Variants in DHRS12 observed in about 807,000 individuals in gnomAD.
The protein encoded by DHRS12 is dehydrogenase/reductase SDR family member 12.
Under a neutral mutation model 32.1 loss-of-function variants are expected in DHRS12, and 29 were observed. The ratio of observed to expected loss-of-function variants is 0.90; its 90% CI spans 0.67 to 1.23. DHRS12 has a LOEUF of 1.23. Among genes scored for constraint, DHRS12 ranks in the 50% most tolerant of loss-of-function variants. The pLI is 0.00. For missense variants in DHRS12, 330 were observed against 337.2 expected (o/e 0.98, Z 0.17); for synonymous variants, 150 against 135.9 (o/e 1.10, Z -0.72).
intron 8 of DHRS12, 171 bp from the exon 9 acceptor site, chr13:51,768,467 T>TTGA (rs1953852988): frequency 6.9e-7 from 1 of 1,439,246 alleles, no homozygotes; most frequent in African/African-American, 1.4e-5. Context: ...GCAGCATGGA[T>TTGA]TGATATGTAA....
At position 51,771,878 on chromosome 13, in the gene DHRS12, G is replaced by A; in HGVS notation, c.502C>T (p.Gln168Ter). 6.2e-7 allele frequency: 1 copy of A among 1,614,122 alleles called. No homozygotes were observed. Among genetic ancestry groups the A allele is most frequent in the Non-Finnish European group, 8.5e-7 (1 of 1,180,006 alleles). ...QQVVLTERWA[Q>*]GHPAIHFSSM... ...GAAAAATGGATGGCCGGGTGCCCTT[G>A]GGCCCACCGCTCCGTCAGAACCACT... Residue 168 changes from glutamine to a stop codon, truncating the protein, a stop_gained, in exon 7 of 9, where the codon CAA (glutamine) becomes TAA (stop). Coordinates refer to ENST00000444610, the MANE Select transcript of DHRS12 (RefSeq NM_001377533.1). LOFTEE classifies it high-confidence loss of function.
intron 7 of DHRS12, 135 bp from the exon 8 acceptor site, chr13:51,769,428 C>T: frequency 1.3e-6 from 1 of 753,420 alleles, no homozygotes; most frequent in Non-Finnish European, 2.0e-6. Flanking sequence ...TTATAGCACT[C>T]ACCCAAGCCA....
chr13:51,769,362 T>TA (rs1213785153), intron 7 of DHRS12, 69 bp from the exon 8 acceptor site: 113 of 1,221,250 alleles, frequency 9.3e-5, no homozygotes, highest in African/African-American at 6.2e-4. Context: ...TTCCCTTAAT[T>TA]TAAAAAAAAA....
intron 4 of DHRS12, 126 bp from the exon 5 acceptor site, chr13:51,777,247 G>A: frequency 1.1e-6 from 1 of 946,296 alleles, no homozygotes; most frequent in Non-Finnish European, 1.7e-6. Flanking sequence ...GGCCACCTGA[G>A]GGGCAGTCCC....
intron 2 of DHRS12, among the ~76,000 whole-genome samples, chr13:51,792,130 G>A (rs1369143610): frequency 6.6e-6 from 1 of 152,182 alleles, no homozygotes; most frequent in Non-Finnish European, 1.5e-5. Flanking sequence ...TGCAATTGCT[G>A]GGTCAGATGG....
the DHRS12 span, chr13:51,755,536 C>A: frequency 3.1e-5 from 44 of 1,421,832 alleles, 1 homozygote; most frequent in African/African-American, 5.1e-4. Context: ...AGAAATAACA[C>A]CCCTGGGTGG....
chr13:51,798,243 G>A (rs1322095984), intron 2 of DHRS12, among the ~76,000 whole-genome samples: 1 of 152,174 alleles, frequency 6.6e-6, no homozygotes, highest in Non-Finnish European at 1.5e-5. Flanking sequence ...CTGCACTTTA[G>A]ACTCATGTAG....
chr13:51,768,793 T>C (rs1317491683), intron 8 of DHRS12: 8 of 1,220,986 alleles, frequency 6.6e-6, no homozygotes, highest in Non-Finnish European at 8.2e-6. Flanking sequence ...CTTACACCCT[T>C]TGCACTGCAG....
chr13:51,787,793 T>TCAA (rs1566296180), intron 4 of DHRS12, among the ~76,000 whole-genome samples: 8 of 12,490 alleles, frequency 6.4e-4, no homozygotes, highest in Admixed American at 1.7e-3. Flanking sequence ...TTATAATATA[T>TCAA]TAATATATAT....
chr13:51,803,750 C>G lies in DHRS12; in HGVS notation c.-9+304G>C, dbSNP rs561909550. The G allele has an allele frequency of 7.1e-5, 19 of 267,092 alleles. No homozygotes were observed. In the South Asian group the frequency reaches 1.8e-3, roughly 26 times the overall value. The allele number at this position is 267,092 out of a possible 1,614,324, so 16.5% of individuals were successfully genotyped here. On this transcript the variant is annotated intron_variant, in intron 1 of 8. Transcript: ENST00000444610. Reference sequence around the variant, plus strand: ...CCCAGCGGGGCGCCGAGGTGCCGCCCAAGAGGCTCCTTGGCGCCGGGGCCG... The same window carrying G: ...CCCAGCGGGGCGCCGAGGTGCCGCCGAAGAGGCTCCTTGGCGCCGGGGCCG...
At chr13:51,756,433 C>T in the DHRS12 span, 2 of 1,614,150 alleles carry the variant, frequency 1.2e-6, no homozygotes, top group East Asian at 2.2e-5. Flanking sequence ...GGGTCTGTGA[C>T]AGCTGCCACG....
In DHRS12 at chr13:51,771,126, G is replaced by A. The variant is rs551436722; in HGVS notation, c.559+695C>T. On this transcript the variant is annotated intron_variant, in intron 7 of 8. Transcript: ENST00000444610. ...TAAATGGGTGTGATAATAGACAGTA[G>A]TGGCCACTCCACAGAGGCTTGAGGA... 5 of 1,500,882 alleles carry A rather than the reference G, an allele frequency of 3.3e-6. No homozygotes were observed. In the African/African-American group the frequency reaches 4.2e-5, roughly 12 times the overall value. 93.0% of individuals were successfully genotyped at this position (1,500,882 alleles called of 1,614,324 possible). A position where few individuals can be genotyped will look rare whatever the true frequency, so the allele number is the denominator to read the frequency against.
At chr13:51,755,434 A>G in the DHRS12 span, 2 of 1,614,218 alleles carry the variant, frequency 1.2e-6, no homozygotes, top group South Asian at 2.2e-5. Context: ...CAAATGTGGG[A>G]CAGTAAGAAA....
chr13:51,804,034 G>C lies in DHRS12; in HGVS notation c.-9+20C>G. Reference sequence around the variant, plus strand: ...GCCACGTGACAGCCCGGGGCCCCGCGCCCCGCCGCGCCGCCTTACTTGGTG... The same window carrying C: ...GCCACGTGACAGCCCGGGGCCCCGCCCCCCGCCGCGCCGCCTTACTTGGTG... On this transcript the variant is annotated intron_variant, in intron 1 of 8. Transcript: ENST00000444610. The C allele has an allele frequency of 6.8e-7, 1 of 1,466,232 alleles. No homozygotes were observed. Among genetic ancestry groups the C allele is most frequent in the Non-Finnish European group, 9.0e-7 (1 of 1,114,836 alleles). The allele number at this position is 1,466,232 out of a possible 1,614,324, so 90.8% of individuals were successfully genotyped here. A position where few individuals can be genotyped will look rare whatever the true frequency, so the allele number is the denominator to read the frequency against.
chr13:51,765,154 A>C (rs969487958), downstream of DHRS12: 2 of 152,262 alleles, frequency 1.3e-5, no homozygotes, highest in Admixed American at 6.5e-5. Flanking sequence ...GTGCAGGGGC[A>C]TGGCAGCGCC....
intron 4 of DHRS12, among the ~76,000 whole-genome samples, chr13:51,779,036 G>C (rs1254432718): frequency 6.6e-6 from 1 of 152,054 alleles, no homozygotes; most frequent in African/African-American, 2.4e-5. Flanking sequence ...ATACAATGTG[G>C]AAAACAGATG....
At chr13:51,756,901 C>G in the DHRS12 span, among the ~76,000 whole-genome samples, 1 of 152,198 alleles carries the variant, frequency 6.6e-6, no homozygotes, top group African/African-American at 2.4e-5. Context: ...CAAATATTCC[C>G]AGTTGCCCAG....
At chr13:51,783,454 T>C (rs1006054502) in intron 4 of DHRS12, among the ~76,000 whole-genome samples, 6 of 152,224 alleles carry the variant, frequency 3.9e-5, no homozygotes, top group Non-Finnish European at 7.3e-5. Context: ...GCTTTCTTTT[T>C]TCTTGTTGAT....
At chr13:51,758,079 A>T in the DHRS12 span, 1 of 541,964 alleles carries the variant, frequency 1.8e-6, no homozygotes, top group Non-Finnish European at 3.3e-6. Context: ...CATTCCTGTC[A>T]GTGAAGCAGT....
Sources: allele counts gnomAD v4.1 joint callset (sites outside exome capture counted in the v4.1 genomes callset), GRCh38; gene constraint gnomAD v4.1.1; transcripts MANE v1.5; gene names NCBI Gene and HGNC (gene_info 2026-07-23, HGNC 2026-07-21).